Variants in IGF1R observed in about 807,000 individuals in gnomAD.
The protein encoded by IGF1R is insulin-like growth factor 1 receptor.
IGF1R carries 44 observed loss-of-function variants against 144.6 expected under a neutral mutation model. The ratio of observed to expected loss-of-function variants is 0.30; its 90% CI spans 0.24 to 0.39. The LOEUF (loss-of-function observed/expected upper bound fraction) is 0.39, where lower values mean the gene tolerates loss of function less well. Ranked by LOEUF, IGF1R falls within the 10% of genes least tolerant of loss-of-function variation. The probability of loss-of-function intolerance (pLI) is 1.00; values close to 1 mark genes in which losing one functional copy is unlikely to be tolerated. For missense variants in IGF1R, 1,355 were observed against 1,833.7 expected, an observed-to-expected ratio of 0.74 and a Z score of 4.77; for synonymous variants, 795 against 722.8, an observed-to-expected ratio of 1.10 and a Z score of -1.60.
chr15:98,685,446 G>A (rs2053301816), intron 1 of IGF1R, among the ~76,000 whole-genome samples: 1 of 152,076 alleles, frequency 6.6e-6, no homozygotes, highest in Admixed American at 6.6e-5. Flanking sequence ...CTTAGTCTGG[G>A]GAGGTTAATA....
Position 98,770,634 on chromosome 15 carries a change from G to T in IGF1R, c.640+62527G>T, listed in dbSNP as rs903680932. ...AGGGGAAGACATAGGTGTAGGCATA[G>T]ATTTTTAAGCTGAGAACCTTTTGAC... is the stretch of plus-strand genomic sequence containing the variant. On this transcript the variant is annotated intron_variant, in intron 2 of 20. Transcript: ENST00000650285. 3.3e-5 allele frequency among the ~76,000 whole-genome samples: 5 copies of T among 152,300 alleles called. No individual in the cohort carries two copies. In the East Asian group the frequency reaches 9.7e-4, roughly 29 times the overall value.
rs760831806 is a variant in IGF1R at position 98,959,194 on chromosome 15, C to CAT, written c.*1763_*1764dup. The CAT allele has an allele frequency of 0.012, 2,809 of 233,118 alleles. 52 individuals are homozygous for CAT. The highest frequency in any genetic ancestry group is 0.072 in the East Asian group (1,186 of 16,534). The allele number at this position is 233,118 out of a possible 1,614,324, so 14.4% of individuals were successfully genotyped here. On this transcript the variant is annotated 3_prime_UTR_variant, in exon 21 of 21. Coordinates refer to ENST00000650285, the MANE Select transcript of IGF1R (RefSeq NM_000875.5). ...TTGCCTTTGCTTAGGTTGTGACACACATATATATATATTTTTTTAATTCTT... is the reference window on the plus strand; with the variant it reads ...TTGCCTTTGCTTAGGTTGTGACACACATATATATATATATTTTTTTAATTCTT...
chr15:98,768,713 T>A (rs12915136), intron 2 of IGF1R, among the ~76,000 whole-genome samples: 125,575 of 134,570 alleles, frequency 0.93, 59,146 homozygotes, highest in Non-Finnish European at 1. Context: ...AGGTCAGGAG[T>A]TCGAGACCAT....
rs2056373988 is a variant in IGF1R at position 98,801,999 on chromosome 15, C to T, written c.641-89326C>T. 2.0e-5 allele frequency among the ~76,000 whole-genome samples: 3 copies of T among 152,274 alleles called. No individual in the cohort carries two copies. The South Asian group carries it at 6.2e-4, about 32-fold the overall frequency. On this transcript the variant is annotated intron_variant, in intron 2 of 20. Transcript: ENST00000650285. ...GTACCTGCCATTGTGCACCAAAGTC[C>T]CTTTCCTCATGGCCCTGGCTGTTCT...
intron 1 of IGF1R, among the ~76,000 whole-genome samples, chr15:98,652,903 T>G (rs183886587): frequency 7.2e-4 from 110 of 151,766 alleles, no homozygotes; most frequent in African/African-American, 2.6e-3. Context: ...TCGGGGACTT[T>G]AATGGTATGT....
chr15:98,911,564 A>G (rs1174329645), intron 7 of IGF1R, 123 bp downstream of exon 7: 15 of 1,268,048 alleles, frequency 1.2e-5, no homozygotes, highest in Middle Eastern at 5.1e-4. Flanking sequence ...AGGGAGAGCC[A>G]CGCCAAACAT....
At chr15:98,685,395 G>T (rs1378133126) in intron 1 of IGF1R, among the ~76,000 whole-genome samples, 1 of 152,036 alleles carries the variant, frequency 6.6e-6, no homozygotes, top group Non-Finnish European at 1.5e-5. Context: ...GTTCTTACTG[G>T]GGCTGTAACT....
intron 2 of IGF1R, among the ~76,000 whole-genome samples, chr15:98,715,584 A>G (rs1269092638): frequency 1.3e-5 from 2 of 152,080 alleles, no homozygotes; most frequent in Non-Finnish European, 2.9e-5. Context: ...TTCTCGGCAG[A>G]GTGGGGATGA....
At chr15:98,744,823 T>C (rs1189613998) in intron 2 of IGF1R, among the ~76,000 whole-genome samples, 5 of 152,128 alleles carry the variant, frequency 3.3e-5, no homozygotes, top group Admixed American at 2.0e-4. Context: ...TGTTTGATCC[T>C]TATCAAACCT....
chr15:98,961,243 C>A lies in IGF1R; in HGVS notation c.*3801C>A, dbSNP rs990393631. On this transcript the variant is annotated 3_prime_UTR_variant, in exon 21 of 21. Coordinates refer to ENST00000650285, the MANE Select transcript of IGF1R (RefSeq NM_000875.5). ...TCTCGTGCACATACCTACCGGTTTC[C>A]ACAACTGGATTTCTACAGATCATTC... 1.3e-5 allele frequency: 3 copies of A among 233,544 alleles called. No homozygotes were observed. In the Admixed American group the frequency reaches 1.7e-4, roughly 13 times the overall value. 14.5% of individuals were successfully genotyped at this position (233,544 alleles called of 1,614,324 possible). A position where few individuals can be genotyped will look rare whatever the true frequency, so the allele number is the denominator to read the frequency against.
At chr15:98,818,263 T>C (rs1008358553) in intron 2 of IGF1R, among the ~76,000 whole-genome samples, 2 of 152,060 alleles carry the variant, frequency 1.3e-5, no homozygotes, top group Admixed American at 6.5e-5. Context: ...CGTCGAGTTA[T>C]AAGATGGGTC....
chr15:98,929,686 C>CT (rs761939861), intron 14 of IGF1R, 26 bp downstream of exon 14: 1 of 1,427,052 alleles, frequency 7.0e-7, no homozygotes, highest in East Asian at 2.3e-5. Flanking sequence ...AGTTATGACA[C>CT]TTTCTGTGGC....
intron 2 of IGF1R, among the ~76,000 whole-genome samples, chr15:98,888,057 G>A (rs1198809212): frequency 1.3e-5 from 2 of 152,198 alleles, no homozygotes; most frequent in African/African-American, 4.8e-5. Flanking sequence ...GCATTTACAT[G>A]TGATGTTCTT....
At chr15:98,868,190 C>G (rs2012558716) in intron 2 of IGF1R, among the ~76,000 whole-genome samples, 1 of 151,282 alleles carries the variant, frequency 6.6e-6, no homozygotes, top group Non-Finnish European at 1.5e-5. Context: ...AACTCTGTCT[C>G]CAAAAAAAAA....
chr15:98,948,331 G>A (rs533150228), intron 19 of IGF1R, among the ~76,000 whole-genome samples: 8 of 152,254 alleles, frequency 5.3e-5, no homozygotes, highest in Admixed American at 1.3e-4. Flanking sequence ...TGCCGGAAGC[G>A]CCCTCACCAC....
chr15:98,745,939 T>G (rs1290315911), intron 2 of IGF1R, among the ~76,000 whole-genome samples: 1 of 152,212 alleles, frequency 6.6e-6, no homozygotes, highest in Non-Finnish European at 1.5e-5. Flanking sequence ...AATTGCAGCA[T>G]TGTTTTTGAT....
At chr15:98,811,554 C>G (rs1037882743) in intron 2 of IGF1R, among the ~76,000 whole-genome samples, 5 of 150,242 alleles carry the variant, frequency 3.3e-5, no homozygotes, top group Middle Eastern at 3.5e-3. Context: ...AGTTATTTCT[C>G]TATGTAAACA....
At chr15:98,936,447 C>T (rs1596470243) in intron 17 of IGF1R, among the ~76,000 whole-genome samples, 1 of 152,096 alleles carries the variant, frequency 6.6e-6, no homozygotes, top group East Asian at 1.9e-4. Flanking sequence ...GACATAAAGC[C>T]AGCAAGAACT....
chr15:98,875,654 T>C (rs1451875157), intron 2 of IGF1R, among the ~76,000 whole-genome samples: 2 of 152,168 alleles, frequency 1.3e-5, no homozygotes, highest in African/African-American at 4.8e-5. Context: ...TTTATAGTTA[T>C]TCTAAGTGTT....
Sources: allele counts gnomAD v4.1 joint callset (sites outside exome capture counted in the v4.1 genomes callset), GRCh38; gene constraint gnomAD v4.1.1; transcripts MANE v1.5; gene names NCBI Gene and HGNC (gene_info 2026-07-23, HGNC 2026-07-21).